Variants in MATN2 observed in about 807,000 individuals in gnomAD.
The protein encoded by MATN2 is matrilin-2.
Under a neutral mutation model 103.2 loss-of-function variants are expected in MATN2, and 69 were observed. The ratio of observed to expected loss-of-function variants is 0.67; its 90% CI spans 0.55 to 0.82. The LOEUF (loss-of-function observed/expected upper bound fraction) is 0.82. MATN2 is among the 40% of genes least tolerant of loss of function. The probability of loss-of-function intolerance (pLI) is 0.00; values close to 1 mark genes in which losing one functional copy is unlikely to be tolerated. For missense variants in MATN2, 1,023 were observed against 1,211.5 expected (o/e 0.84, Z 2.31); for synonymous variants, 429 against 450.2 (o/e 0.95, Z 0.60).
At chr8:98,016,298 G>C (rs537350614) in intron 10 of MATN2, among the ~76,000 whole-genome samples, 3 of 152,128 alleles carry the variant, frequency 2.0e-5, no homozygotes, top group Non-Finnish European at 4.4e-5. Flanking sequence ...ACTTGAGCCC[G>C]GGAGGCAGAG....
chr8:97,920,993 A>G (rs1278988947), intron 2 of MATN2, among the ~76,000 whole-genome samples: 1 of 152,114 alleles, frequency 6.6e-6, no homozygotes, highest in African/African-American at 2.4e-5. Flanking sequence ...ATATTTTATC[A>G]TGGGACCAGC....
intron 6 of MATN2, among the ~76,000 whole-genome samples, chr8:97,981,497 C>A (rs528089098): frequency 6.6e-6 from 1 of 151,716 alleles, no homozygotes; most frequent in Non-Finnish European, 1.5e-5. Flanking sequence ...AAGATTTCCA[C>A]TGCAAGCTGG....
intron 2 of MATN2, among the ~76,000 whole-genome samples, chr8:97,924,776 C>G (rs1809936842): frequency 1.3e-5 from 2 of 150,420 alleles, no homozygotes; most frequent in African/African-American, 2.5e-5. Context: ...TGGGCCATAG[C>G]TTTCAGGCCC....
chr8:97,871,069 CAG>C (rs1028282138), intron 1 of MATN2, among the ~76,000 whole-genome samples: 2 of 152,176 alleles, frequency 1.3e-5, no homozygotes, highest in African/African-American at 4.8e-5. Context: ...TTGGAGGTGT[CAG>C]AGCAGAGTCC....
chr8:97,908,991 G>A (rs1413603009), intron 2 of MATN2, among the ~76,000 whole-genome samples: 2 of 151,906 alleles, frequency 1.3e-5, no homozygotes, highest in Non-Finnish European at 2.9e-5. Context: ...CAGGCTGGAG[G>A]GCAGTGCCCT....
At chr8:97,913,305 C>T (rs1042691281) in intron 2 of MATN2, among the ~76,000 whole-genome samples, 20 of 150,584 alleles carry the variant, frequency 1.3e-4, no homozygotes, top group African/African-American at 4.6e-4. Flanking sequence ...TGGACATGGA[C>T]AGCAATCGAT....
intron 6 of MATN2, among the ~76,000 whole-genome samples, chr8:97,985,716 G>GA (rs980571799): frequency 2.0e-5 from 3 of 152,152 alleles, no homozygotes; most frequent in East Asian, 1.9e-4. Context: ...CTACCGCCCA[G>GA]AAAAAACCAC....
In MATN2 at chr8:97,918,197, G is replaced by A. The variant is rs144964115; in HGVS notation, c.143-12756G>A. Among the ~76,000 whole-genome samples, 143 of 152,332 alleles carry A rather than the reference G, an allele frequency of 9.4e-4. No individual in the cohort carries two copies. In the South Asian group the frequency reaches 0.018, roughly 19 times the overall value. ...TGGAGTTAGGCTGTTCTGGTTAAAC[G>A]TAGATTGTGCCTATCGAATAATAAT... is the stretch of plus-strand genomic sequence containing the variant. On this transcript the variant is annotated intron_variant, in intron 2 of 18. Coordinates refer to ENST00000254898, the MANE Select transcript of MATN2 (RefSeq NM_002380.5).
intron 5 of MATN2, among the ~76,000 whole-genome samples, chr8:97,975,621 C>T (rs931034665): frequency 1.3e-4 from 20 of 152,218 alleles, no homozygotes; most frequent in Admixed American, 8.5e-4. Flanking sequence ...AGATCAGCAG[C>T]TCCTCTCTTT....
At chr8:97,889,990 C>G (rs1004074959) in intron 2 of MATN2, among the ~76,000 whole-genome samples, 1 of 152,204 alleles carries the variant, frequency 6.6e-6, no homozygotes, top group Non-Finnish European at 1.5e-5. Context: ...AAGGCACCAA[C>G]CCTGCATCCA....
chr8:98,007,328 G>C lies in MATN2; in HGVS notation c.1450+101G>C. 6.4e-7 allele frequency: 1 copy of C among 1,572,386 alleles called. No individual in the cohort carries two copies. On this transcript the variant is annotated intron_variant, in intron 9 of 18. Coordinates refer to ENST00000254898, the MANE Select transcript of MATN2 (RefSeq NM_002380.5). The surrounding 1 kb of genome is among the most constrained non-coding windows in gnomAD (Gnocchi z 4.2). ...GGTTGTACTTGGGCACCCCTCCCCT[G>C]CCCCTTGCTCTGCTCCAGGAGATAG... is the stretch of plus-strand genomic sequence containing the variant.
At position 98,030,547 on chromosome 8, in the gene MATN2, C is replaced by G; in HGVS notation, c.2442C>G (p.Leu814=). ...CCTCTGAGCCCACAAACAAGCATCTCTTCTATGCCGAAGACTTCAGCACAA... is the reference window on the plus strand; with the variant it reads ...CCTCTGAGCCCACAAACAAGCATCTGTTCTATGCCGAAGACTTCAGCACAA... ...EIASEPTNKH[L]FYAEDFSTMD... Residue 814 remains leucine (L), a synonymous_variant, in exon 15 of 19, where the codon CTC becomes CTG. Coordinates refer to ENST00000254898, the MANE Select transcript of MATN2 (RefSeq NM_002380.5). The G allele has an allele frequency of 1.2e-6, 2 of 1,613,954 alleles. No individual in the cohort carries two copies. The highest frequency in any genetic ancestry group is 1.7e-6 in the Non-Finnish European group (2 of 1,179,862).
Position 98,027,413 on chromosome 8 carries a change from T to C in MATN2, c.1943-3T>C. The stretch of plus-strand genomic sequence containing the variant: ...TATGTCAACTTTCCTTCTGTTCATA[T>C]AGAATGCACTGAAGGCCCAATTGAC... On this transcript the variant is annotated splice_region_variant and splice_polypyrimidine_tract_variant and intron_variant, in intron 13 of 18. Transcript: ENST00000254898. 2 of 1,591,470 alleles carry C rather than the reference T, an allele frequency of 1.3e-6. No individual in the cohort carries two copies. Among genetic ancestry groups the C allele is most frequent in the East Asian group, 4.5e-5 (2 of 44,318 alleles).
At chr8:98,031,433 T>C (rs1385729142) in intron 15 of MATN2, 7 of 152,002 alleles carry the variant, frequency 4.6e-5, no homozygotes, top group Non-Finnish European at 8.8e-5. Flanking sequence ...TGCCAAGCAG[T>C]ATAATAAGTG....
At chr8:98,034,301 G>C in intron 18 of MATN2, 1 of 414,038 alleles carries the variant, frequency 2.4e-6, no homozygotes, top group Non-Finnish European at 4.9e-6. Flanking sequence ...AAGAGGATTC[G>C]GTGCTTTTAC....
At chr8:97,941,923 T>C (rs1810582975) in intron 4 of MATN2, 24 bp downstream of exon 4, 1 of 1,609,800 alleles carries the variant, frequency 6.2e-7, no homozygotes, top group African/African-American at 1.3e-5. Flanking sequence ...GCTGATGTAT[T>C]TGTGGTTTCT....
intron 7 of MATN2, among the ~76,000 whole-genome samples, chr8:97,995,882 A>C (rs1812567838): frequency 6.6e-6 from 1 of 152,236 alleles, no homozygotes; most frequent in Non-Finnish European, 1.5e-5. Context: ...GAAAATTTTA[A>C]TGGAGAGCAT....
rs553196919 is a variant in MATN2, at chr8:97,975,648, A to G, written c.959-3238A>G. Among the ~76,000 whole-genome samples, 7 of 152,340 alleles carry G rather than the reference A, an allele frequency of 4.6e-5. No homozygotes were observed. In the East Asian group the frequency reaches 1.3e-3, roughly 29 times the overall value. On this transcript the variant is annotated intron_variant, in intron 5 of 18. Coordinates refer to ENST00000254898, the MANE Select transcript of MATN2 (RefSeq NM_002380.5). ...CCTCTCTTTGTAGGGGATACTAAGA[A>G]GTGGGTGGCCATAGATAGGACTGGC...
intron 2 of MATN2, among the ~76,000 whole-genome samples, chr8:97,921,037 C>T (rs533660855): frequency 3.3e-4 from 51 of 152,280 alleles, no homozygotes; most frequent in East Asian, 1.4e-3. Flanking sequence ...CAGTTGATTT[C>T]GAACCCTACG....
Sources: allele counts gnomAD v4.1 joint callset (sites outside exome capture counted in the v4.1 genomes callset), GRCh38; gene constraint gnomAD v4.1.1; non-coding constraint Gnocchi (gnomAD v3.1); transcripts MANE v1.5; gene names NCBI Gene and HGNC (gene_info 2026-07-23, HGNC 2026-07-21).